Variants in HPS4 observed in about 807,000 individuals in gnomAD.
The protein encoded by HPS4 is BLOC-3 complex member HPS4.
In HPS4, 44 loss-of-function variants were observed where a neutral mutation model predicts 70.3. That is an observed-to-expected ratio of 0.63 (90% CI 0.49 to 0.80). The LOEUF is 0.80. Among genes scored for constraint, HPS4 ranks in the 30% least tolerant of loss-of-function variants. HPS4 has a pLI of 0.00. For synonymous variants in HPS4, 377 were observed against 355.9 expected, an observed-to-expected ratio of 1.06 and a Z score of -0.67; for missense variants, 873 against 884.4, an observed-to-expected ratio of 0.99 and a Z score of 0.16.
chr22:26,479,125 A>C lies in HPS4; in HGVS notation c.132+140T>G, dbSNP rs1468339144. 3.7e-6 allele frequency: 3 copies of C among 820,094 alleles called. No homozygotes were observed. The African/African-American group carries it at 5.1e-5, about 14-fold the overall frequency. The allele number at this position is 820,094 out of a possible 1,614,324, so 50.8% of individuals were successfully genotyped here. On this transcript the variant is annotated intron_variant, in intron 3 of 13. Transcript: ENST00000398145. ...TTTTAAGACCAGAACAACAAGAAAT[A>C]GTACAACTAAGAATAAGACAGTAGA... is the stretch of plus-strand genomic sequence containing the variant.
intron 7 of HPS4, among the ~76,000 whole-genome samples, chr22:26,470,026 G>A (rs1458518108): frequency 2.0e-5 from 3 of 152,266 alleles, no homozygotes; most frequent in Non-Finnish European, 2.9e-5. Context: ...TGGCCCAAGG[G>A]CCCCTGCGAG....
downstream of HPS4, among the ~76,000 whole-genome samples, chr22:26,447,698 A>G (rs1413001887): frequency 6.6e-6 from 1 of 152,122 alleles, no homozygotes; most frequent in Admixed American, 6.5e-5. Context: ...ACAGGACAGA[A>G]TAAGGCCACA....
At chr22:26,473,741 CA>C (rs376818517) in intron 4 of HPS4, among the ~76,000 whole-genome samples, 102 of 137,260 alleles carry the variant, frequency 7.4e-4, no homozygotes, top group Non-Finnish European at 7.3e-4. Flanking sequence ...GACACCGTCT[CA>C]AAAAAAAAAA....
chr22:26,473,156 T>G (rs557009345), intron 4 of HPS4, among the ~76,000 whole-genome samples: 12 of 152,346 alleles, frequency 7.9e-5, no homozygotes, highest in Non-Finnish European at 1.8e-4. Context: ...TCAAATGTCC[T>G]TTTCCTTATT....
chr22:26,479,750 T>G, intron 2 of HPS4: 1 of 930,516 alleles, frequency 1.1e-6, no homozygotes, highest in Non-Finnish European at 1.3e-6. Context: ...TCCTCATAAG[T>G]GCTGAGCACA....
intron 11 of HPS4, among the ~76,000 whole-genome samples, chr22:26,461,352 G>A (rs2087228837): frequency 6.6e-6 from 1 of 152,176 alleles, no homozygotes; most frequent in Non-Finnish European, 1.5e-5. Flanking sequence ...AGGTCAAGGA[G>A]ATTATCTTGG....
rs149183557 is a variant in HPS4 at position 26,459,820 on chromosome 22, C to T, written c.1714-1243G>A. ...TCCTTTGTAAACTCTAAAGTGCTATCCTGAGGCAGAGTCTTTTTATAAAGT... is the reference window on the plus strand; with the variant it reads ...TCCTTTGTAAACTCTAAAGTGCTATTCTGAGGCAGAGTCTTTTTATAAAGT... On this transcript the variant is annotated intron_variant, in intron 11 of 13. Coordinates refer to ENST00000398145, the MANE Select transcript of HPS4 (RefSeq NM_022081.6). 3.3e-3 allele frequency among the ~76,000 whole-genome samples: 507 copies of T among 152,242 alleles called. 3 individuals carry two copies. Among genetic ancestry groups the T allele is most frequent in the African/African-American group, 0.012 (479 of 41,532 alleles).
intron 2 of HPS4, among the ~76,000 whole-genome samples, chr22:26,480,212 T>C (rs1387994217): frequency 1.3e-5 from 2 of 152,216 alleles, no homozygotes; most frequent in Non-Finnish European, 2.9e-5. Flanking sequence ...TTTGTAGCCC[T>C]GTAGGCTGGA....
downstream of HPS4, among the ~76,000 whole-genome samples, chr22:26,446,372 C>A (rs117355763): frequency 1.3e-5 from 2 of 151,166 alleles, no homozygotes; most frequent in East Asian, 3.9e-4. Context: ...ACTTGTAACA[C>A]TGAGTGCTCC....
downstream of HPS4, among the ~76,000 whole-genome samples, chr22:26,449,785 G>C (rs532301380): frequency 7.9e-5 from 12 of 152,312 alleles, no homozygotes; most frequent in South Asian, 2.3e-3. Flanking sequence ...CAGGAGGATG[G>C]ATTTGTTTCC....
downstream of HPS4, among the ~76,000 whole-genome samples, chr22:26,449,908 C>G (rs1009857165): frequency 3.3e-5 from 5 of 152,202 alleles, no homozygotes; most frequent in Non-Finnish European, 5.9e-5. Context: ...GAATTCAGTA[C>G]GTTGACAGTC....
Position 26,464,003 on chromosome 22 carries a change from G to A in HPS4, c.1627C>T (p.Leu543Phe), listed in dbSNP as rs943099617. The change falls in exon 11 of 14, where the codon CTC becomes TTC. Residue 543 changes from leucine (L) to phenylalanine (F), a missense_variant. By Grantham distance (22) the Leu-to-Phe change is conservative (BLOSUM62 0). Transcript: ENST00000398145. Reference sequence around the variant, plus strand: ...AGCCCTTTGACGCAGTGAGTGTAGAGATTCATCCTCACGAGCCCCATGCAG... The same window carrying A: ...AGCCCTTTGACGCAGTGAGTGTAGAAATTCATCCTCACGAGCCCCATGCAG... ...ESCMGLVRMN[L>F]YTHCVKGLVL... 1 of 1,614,220 alleles carries A rather than the reference G, an allele frequency of 6.2e-7. No individual in the cohort carries two copies. Among genetic ancestry groups the A allele is most frequent in the Admixed American group, 1.7e-5 (1 of 60,018 alleles).
chr22:26,455,099 T>C (rs1354793904), intron 13 of HPS4, among the ~76,000 whole-genome samples: 2 of 151,848 alleles, frequency 1.3e-5, no homozygotes, highest in African/African-American at 4.8e-5. Flanking sequence ...CTGGAGAGGA[T>C]GTGGAGAAAT....
intron 3 of HPS4, among the ~76,000 whole-genome samples, chr22:26,478,140 T>G (rs2090807665): frequency 1.3e-5 from 2 of 152,048 alleles, no homozygotes. Flanking sequence ...GTAACTTTCG[T>G]TAGGTGTGGT....
rs2085297454 is a variant in HPS4, at chr22:26,452,004, G to GAAA, written c.*1228_*1229insTTT. 8 of 105,772 alleles carry GAAA rather than the reference G, an allele frequency of 7.6e-5. No homozygotes were observed. In the East Asian group the frequency reaches 1.8e-3, roughly 24 times the overall value. 6.6% of individuals were successfully genotyped at this position (105,772 alleles called of 1,614,324 possible). On this transcript the variant is annotated 3_prime_UTR_variant, in exon 14 of 14. Transcript: ENST00000398145. ...CCACGTTACGCGCGCGCGCGCGCGC[G>GAAA]CACACACACACACACACACACACAC...
In HPS4 at chr22:26,472,391, C is replaced by A. The variant is rs119471024; in HGVS notation, c.412G>T (p.Glu138Ter). 6.2e-7 allele frequency: 1 copy of A among 1,612,392 alleles called. No individual in the cohort carries two copies. Among genetic ancestry groups the A allele is most frequent in the South Asian group, 1.1e-5 (1 of 91,054 alleles). Reference sequence around the variant, plus strand: ...ATTTGCTCGATGAAGGTGTCCCACTCCGTGCTCAGTTCTTCCTGAGAACAG... The same window carrying A: ...ATTTGCTCGATGAAGGTGTCCCACTACGTGCTCAGTTCTTCCTGAGAACAG... The part of the protein sequence containing the change: ...ENCSQEELST[E>*]WDTFIEQILK... The change falls in exon 6 of 14, where the codon GAG becomes TAG. Residue 138 changes from glutamate (E) to a stop codon, truncating the protein, a stop_gained. Coordinates refer to ENST00000398145, the MANE Select transcript of HPS4 (RefSeq NM_022081.6). LOFTEE classifies it high-confidence loss of function.
intron 4 of HPS4, 95 bp downstream of exon 4, chr22:26,476,898 G>C (rs978256331): frequency 1.5e-6 from 2 of 1,339,622 alleles, no homozygotes; most frequent in Admixed American, 3.4e-5. Context: ...GAGGTTGGTG[G>C]GGGCAGATAA....
At chr22:26,469,753 GA>G (rs563872236) in intron 7 of HPS4, among the ~76,000 whole-genome samples, 15 of 149,918 alleles carry the variant, frequency 1.0e-4, no homozygotes, top group African/African-American at 2.9e-4. Flanking sequence ...GAGAAAAGGG[GA>G]AAAAAAATAC....
chr22:26,469,766 G>A (rs1455376703), intron 7 of HPS4, among the ~76,000 whole-genome samples: 1 of 151,714 alleles, frequency 6.6e-6, no homozygotes, highest in Non-Finnish European at 1.5e-5. Flanking sequence ...AAAAAATACT[G>A]TCTTTGGTGG....
Sources: allele counts gnomAD v4.1 joint callset (sites outside exome capture counted in the v4.1 genomes callset), GRCh38; gene constraint gnomAD v4.1.1; transcripts MANE v1.5; gene names NCBI Gene and HGNC (gene_info 2026-07-23, HGNC 2026-07-21).